FBXO25: variants seen among roughly 807,000 people sequenced by gnomAD.
FBXO25 encodes F-box only protein 25.
FBXO25 carries 45 observed loss-of-function variants against 51.9 expected under a neutral mutation model. That is an observed-to-expected ratio of 0.87 (90% CI 0.68 to 1.11). The LOEUF (loss-of-function observed/expected upper bound fraction) is 1.11, where lower values mean the gene tolerates loss of function less well. Among genes scored for constraint, FBXO25 ranks in the 50% most tolerant of loss-of-function variants. The pLI is 0.00. For synonymous variants in FBXO25, 199 were observed against 151.0 expected, an observed-to-expected ratio of 1.32 and a Z score of -2.33; for missense variants, 507 against 428.5, an observed-to-expected ratio of 1.18 and a Z score of -1.62.
At chr8:439,068 A>T (rs1798264985) in intron 5 of FBXO25, among the ~76,000 whole-genome samples, 1 of 152,242 alleles carries the variant, frequency 6.6e-6, no homozygotes, top group Non-Finnish European at 1.5e-5. Context: ...GTGCCCAGCA[A>T]ACCCAGGACA....
intron 1 of FBXO25, among the ~76,000 whole-genome samples, chr8:409,243 T>C (rs571681121): frequency 3.3e-5 from 5 of 152,218 alleles, no homozygotes; most frequent in African/African-American, 1.2e-4. Context: ...CTGTATAGAT[T>C]ATGCTTTAAG....
In FBXO25 at chr8:472,819, A is replaced by G. The variant is rs909977139; in HGVS notation, c.*4015A>G. On this transcript the variant is annotated 3_prime_UTR_variant, in exon 10 of 10. Coordinates refer to ENST00000350302, the MANE Select transcript of FBXO25 (RefSeq NM_183420.2). ...CCTAGTCTGTTCTGCTTATCTTCAG[A>G]ATTATCAAAAGGAAGGGGTGCTGCC... 1 of 152,220 alleles carries G rather than the reference A, an allele frequency of 6.6e-6. No homozygotes were observed. The highest frequency in any genetic ancestry group is 1.5e-5 in the Non-Finnish European group (1 of 68,042). The allele number at this position is 152,220 out of a possible 1,614,324, so 9.4% of individuals were successfully genotyped here. A position where few individuals can be genotyped will look rare whatever the true frequency, so the allele number is the denominator to read the frequency against.
intron 2 of FBXO25, among the ~76,000 whole-genome samples, chr8:422,388 C>G (rs1369197756): frequency 6.6e-6 from 1 of 152,214 alleles, no homozygotes; most frequent in Non-Finnish European, 1.5e-5. Flanking sequence ...CGGTACTCTT[C>G]AAGGTGATGA....
At chr8:422,435 G>A (rs1397660148) in intron 2 of FBXO25, among the ~76,000 whole-genome samples, 1 of 152,230 alleles carries the variant, frequency 6.6e-6, no homozygotes, top group Admixed American at 6.5e-5. Flanking sequence ...GGGGGGCCAT[G>A]GTAGTGTGTC....
chr8:427,421 A>G (rs1797560158), intron 2 of FBXO25, among the ~76,000 whole-genome samples: 1 of 151,246 alleles, frequency 6.6e-6, no homozygotes, highest in Admixed American at 6.6e-5. Context: ...TGTTGCATTT[A>G]TGCGAGATTT....
chr8:413,280 A>T (rs1351287842), intron 2 of FBXO25, 67 bp downstream of exon 2: 7 of 1,398,740 alleles, frequency 5.0e-6, no homozygotes, highest in Non-Finnish European at 6.5e-6. Flanking sequence ...CCTATTTTTC[A>T]AGTCCCTGCA....
intron 8 of FBXO25, among the ~76,000 whole-genome samples, chr8:459,836 G>T (rs1246748981): frequency 6.6e-6 from 1 of 152,232 alleles, no homozygotes; most frequent in African/African-American, 2.4e-5. Flanking sequence ...CAGAACCTGG[G>T]GGGAGCTGGA....
intron 4 of FBXO25, among the ~76,000 whole-genome samples, chr8:433,212 GTGTA>G (rs1585040193): frequency 6.6e-6 from 1 of 152,154 alleles, no homozygotes; most frequent in African/African-American, 2.4e-5. Flanking sequence ...TATATATGGT[GTGTA>G]TGTATGATTG....
rs970149596 is a variant in FBXO25 at position 476,772 on chromosome 8, A to G, written c.*7968A>G. On this transcript the variant is annotated 3_prime_UTR_variant, in exon 10 of 10. Transcript: ENST00000350302. ...CTCTTGGTTTCATTTATTTTTCTCTATTGCTTTTCTGTTCTCTATTTTGTC... is the reference window on the plus strand; with the variant it reads ...CTCTTGGTTTCATTTATTTTTCTCTGTTGCTTTTCTGTTCTCTATTTTGTC... 4 of 151,502 alleles carry G rather than the reference A, an allele frequency of 2.6e-5. No individual in the cohort carries two copies. The highest frequency in any genetic ancestry group is 2.1e-4 in the South Asian group (1 of 4,818). The allele number at this position is 151,502 out of a possible 1,614,324, so 9.4% of individuals were successfully genotyped here.
At chr8:423,527 T>A (rs1279961728) in intron 2 of FBXO25, among the ~76,000 whole-genome samples, 5 of 152,182 alleles carry the variant, frequency 3.3e-5, no homozygotes, top group Non-Finnish European at 5.9e-5. Context: ...CTCCCATTTA[T>A]AAGTGAGAAC....
At chr8:418,688 CCT>C (rs1484394483) in intron 2 of FBXO25, among the ~76,000 whole-genome samples, 1 of 152,044 alleles carries the variant, frequency 6.6e-6, no homozygotes, top group Non-Finnish European at 1.5e-5. Context: ...TTATATTTCC[CCT>C]GTTTACACTT....
chr8:415,721 A>G (rs1332741302), intron 2 of FBXO25, among the ~76,000 whole-genome samples: 1 of 152,222 alleles, frequency 6.6e-6, no homozygotes, highest in Non-Finnish European at 1.5e-5. Context: ...GAAATGGTGT[A>G]AGTAAATAAT....
intron 9 of FBXO25, chr8:468,141 T>C: frequency 9.7e-7 from 1 of 1,035,784 alleles, no homozygotes; most frequent in Non-Finnish European, 1.2e-6. Flanking sequence ...AATTTTTCTG[T>C]CGTCACTTCT....
intron 9 of FBXO25, among the ~76,000 whole-genome samples, chr8:464,875 A>G (rs551634635): frequency 1.3e-5 from 2 of 152,252 alleles, no homozygotes; most frequent in African/African-American, 4.8e-5. Flanking sequence ...AAAAGATGCA[A>G]GTTGTGTTAT....
chr8:424,952 A>T (rs1797381491), intron 2 of FBXO25, among the ~76,000 whole-genome samples: 1 of 152,172 alleles, frequency 6.6e-6, no homozygotes, highest in African/African-American at 2.4e-5. Flanking sequence ...TTTGTATTGG[A>T]ATAGCATTAA....
intron 5 of FBXO25, among the ~76,000 whole-genome samples, chr8:439,392 C>G (rs1368476365): frequency 6.6e-6 from 1 of 152,144 alleles, no homozygotes; most frequent in Non-Finnish European, 1.5e-5. Flanking sequence ...TAAATATGCT[C>G]TGTTTCCTAA....
intron 5 of FBXO25, among the ~76,000 whole-genome samples, chr8:437,185 G>C (rs1465132951): frequency 6.6e-6 from 1 of 152,042 alleles, no homozygotes; most frequent in African/African-American, 2.4e-5. Context: ...CCTGTGAAAT[G>C]GTAAATTTTC....
At chr8:427,046 A>G (rs1797532916) in intron 2 of FBXO25, among the ~76,000 whole-genome samples, 1 of 151,996 alleles carries the variant, frequency 6.6e-6, no homozygotes, top group African/African-American at 2.4e-5. Context: ...TATATCAGGA[A>G]AATGGATAAA....
intron 2 of FBXO25, among the ~76,000 whole-genome samples, chr8:418,192 C>T (rs554849791): frequency 3.4e-4 from 52 of 152,172 alleles, no homozygotes; most frequent in African/African-American, 8.7e-4. Context: ...ATGCCATCTG[C>T]GTTTTGGGGA....
Sources: allele counts gnomAD v4.1 joint callset (sites outside exome capture counted in the v4.1 genomes callset), GRCh38; gene constraint gnomAD v4.1.1; transcripts MANE v1.5; gene names NCBI Gene and HGNC (gene_info 2026-07-23, HGNC 2026-07-21).